The following TENM1 variants were observed in gnomAD, a reference collection of about 807,000 sequenced individuals.
TENM1 encodes the protein teneurin transmembrane protein 1.
A neutral mutation model predicts 174.8 loss-of-function variants in TENM1; 35 were observed. The observed-to-expected ratio is 0.20, with a 90% CI of 0.15 to 0.27. TENM1 has a LOEUF of 0.27. TENM1 is among the 10% of genes least tolerant of loss of function. TENM1 has a pLI of 1.00. For missense variants in TENM1, 1,633 were observed against 2,130.1 expected (o/e 0.77, Z 4.59); for synonymous variants, 781 against 798.7 (o/e 0.98, Z 0.37).
At chrX:124,958,137 T>C (rs2058604960) in intron 1 of TENM1, among the ~76,000 whole-genome samples, 1 of 111,696 alleles carries the variant, frequency 9.0e-6, no homozygotes, top group African/African-American at 3.3e-5. Context: ...TTCATCCTGT[T>C]AGCAAAGAAT....
intron 7 of TENM1, 119 bp from the exon 11 acceptor site, chrX:124,652,243 A>G: frequency 1.1e-6 from 1 of 903,383 alleles, no homozygotes; most frequent in Non-Finnish European, 1.5e-6. Flanking sequence ...AAATTGGAAG[A>G]GGAGGTTATC....
At chrX:124,448,577 AG>A (rs1556639460) in intron 23 of TENM1, among the ~76,000 whole-genome samples, 1 of 100,929 alleles carries the variant, frequency 9.9e-6, no homozygotes, top group Non-Finnish European at 2.1e-5. Flanking sequence ...CTTATAAGGA[AG>A]GCCCTTCACC....
Position 124,750,851 on chromosome X carries a change from T to C in TENM1, c.536-13654A>G, listed in dbSNP as rs191877185. Among the ~76,000 whole-genome samples the C allele has an allele frequency of 3.1e-3, 344 of 112,202 alleles. 4 individuals are homozygous for C. Among genetic ancestry groups the C allele is most frequent in the African/African-American group, 0.011 (336 of 30,940 alleles). ...TACCAATCTTGTCATTCCTCTTTAT[T>C]GCAAACAATTAATATAAAATGCTGA... On this transcript the variant is annotated intron_variant, in intron 3 of 31. Coordinates refer to ENST00000422452, the Ensembl canonical transcript of TENM1.
the TENM1 span, among the ~76,000 whole-genome samples, chrX:125,200,678 A>AGAG: frequency 9.4e-6 from 1 of 106,709 alleles, no homozygotes; most frequent in African/African-American, 3.4e-5. Context: ...AGAGAGAGAG[A>AGAG]ACAAATATGA....
intron 3 of TENM1, among the ~76,000 whole-genome samples, chrX:124,802,476 C>T (rs2147239962): frequency 9.0e-6 from 1 of 111,574 alleles, no homozygotes; most frequent in South Asian, 3.8e-4. Flanking sequence ...AAGATGGGTG[C>T]CTGCTCCTTC....
chrX:124,738,939 T>G (rs1156504493), intron 3 of TENM1, among the ~76,000 whole-genome samples: 4 of 112,519 alleles, frequency 3.6e-5, no homozygotes, highest in African/African-American at 1.3e-4. Context: ...GTATTGCAGA[T>G]CTCTGTAATA....
chrX:124,783,580 G>GTGAT (rs1338147034), intron 3 of TENM1, among the ~76,000 whole-genome samples: 1 of 111,392 alleles, frequency 9.0e-6, no homozygotes, highest in African/African-American at 3.3e-5. Flanking sequence ...CTTTCTGCAG[G>GTGAT]TGATAATCAC....
the TENM1 span, among the ~76,000 whole-genome samples, chrX:125,016,241 G>C: frequency 6.3e-3 from 704 of 111,035 alleles, 4 homozygotes; most frequent in Admixed American, 0.013. Context: ...AGAAATAAAG[G>C]GTATTCAAAT....
chrX:124,411,715 A>G (rs1462596747), intron 25 of TENM1: 1 of 112,102 alleles, frequency 8.9e-6, no homozygotes, highest in Non-Finnish European at 1.9e-5. Flanking sequence ...AGATGTACAC[A>G]TCAGCGGGTA....
intron 3 of TENM1, among the ~76,000 whole-genome samples, chrX:124,871,596 T>C (rs929664066): frequency 4.5e-5 from 5 of 111,758 alleles, no homozygotes; most frequent in Non-Finnish European, 7.5e-5. Context: ...AATAAGTAAT[T>C]GAAAATGGAT....
At chrX:124,654,487 T>C (rs2148401504) in intron 6 of TENM1, among the ~76,000 whole-genome samples, 1 of 112,095 alleles carries the variant, frequency 8.9e-6, no homozygotes, top group South Asian at 3.7e-4. Flanking sequence ...AAAAAGTTAC[T>C]ATGGGAAGTG....
the TENM1 span, among the ~76,000 whole-genome samples, chrX:125,107,481 G>A: frequency 9.0e-6 from 1 of 111,567 alleles, no homozygotes; most frequent in African/African-American, 3.3e-5. Context: ...ATTTAAATGG[G>A]GAAAACAGCC....
intron 3 of TENM1, among the ~76,000 whole-genome samples, chrX:124,794,723 G>C (rs1274962043): frequency 2.7e-5 from 3 of 111,460 alleles, no homozygotes; most frequent in African/African-American, 9.8e-5. Context: ...ATTGTACTTA[G>C]GAAAGCATTT....
At chrX:125,027,281 T>C in the TENM1 span, among the ~76,000 whole-genome samples, 6 of 110,906 alleles carry the variant, frequency 5.4e-5, no homozygotes, top group Admixed American at 5.8e-4. Flanking sequence ...AATTAGAGAA[T>C]TCAATAAGAA....
chrX:124,678,172 T>C (rs5958558), intron 5 of TENM1, among the ~76,000 whole-genome samples: 2,434 of 110,968 alleles, frequency 0.022, 30 homozygotes, highest in African/African-American at 0.041. Flanking sequence ...TTAGGAAATG[T>C]GGCAGATCAG....
intron 22 of TENM1, among the ~76,000 whole-genome samples, chrX:124,468,456 G>A (rs1010607837): frequency 2.7e-5 from 3 of 112,400 alleles, no homozygotes; most frequent in East Asian, 5.6e-4. Flanking sequence ...GATTACAGGC[G>A]TCAGCCACCG....
the TENM1 span, among the ~76,000 whole-genome samples, chrX:125,174,346 T>C: frequency 4.2e-3 from 467 of 111,476 alleles, 5 homozygotes; most frequent in African/African-American, 0.015. Context: ...AAATAATGGA[T>C]CTCAAGTACA....
At position 124,670,444 on chromosome X, in the gene TENM1, C is replaced by T. The variant is rs184156821; in HGVS notation, c.1168+1239G>A. ...CTGAGCAGTGAGTGTGGCAGACTTT[C>T]TTATCTGCCACCTCTGACCCCTCTA... On this transcript the variant is annotated intron_variant, in intron 6 of 31. Transcript: ENST00000422452. 8.3e-3 allele frequency among the ~76,000 whole-genome samples: 928 copies of T among 111,327 alleles called. 12 individuals are homozygous for T. The highest frequency in any genetic ancestry group is 0.028 in the African/African-American group (863 of 30,615).
intron 6 of TENM1, among the ~76,000 whole-genome samples, chrX:124,660,178 T>G (rs944506595): frequency 5.4e-5 from 6 of 110,094 alleles, no homozygotes; most frequent in African/African-American, 2.0e-4. Context: ...ATTGAGACCA[T>G]CCTGGCTAAC....
Sources: allele counts gnomAD v4.1 joint callset (sites outside exome capture counted in the v4.1 genomes callset), GRCh38; gene constraint gnomAD v4.1.1; transcripts MANE v1.5; gene names NCBI Gene and HGNC (gene_info 2026-07-23, HGNC 2026-07-21).